RELN: variants seen among roughly 807,000 people sequenced by gnomAD.
RELN encodes the protein reelin.
In RELN, 108 loss-of-function variants were observed where a neutral mutation model predicts 427.6. The ratio of observed to expected loss-of-function variants is 0.25; its 90% CI spans 0.22 to 0.30. The LOEUF is 0.30. RELN is among the 10% of genes least tolerant of loss of function. The pLI, the probability that RELN is intolerant of heterozygous loss-of-function variation, is 1.00. For synonymous variants in RELN, 1,524 were observed against 1,513.4 expected, an observed-to-expected ratio of 1.01 and a Z score of -0.16; for missense variants, 3,715 against 4,302.8, an observed-to-expected ratio of 0.86 and a Z score of 3.82.
chr7:103,545,135 T>C lies in RELN; in HGVS notation c.6512A>G (p.Asp2171Gly), dbSNP rs754745320. Residue 2171 changes from aspartate to glycine, a missense_variant, in exon 42 of 65, where the codon GAT becomes GGT. Coordinates refer to ENST00000428762, the MANE Select transcript of RELN (RefSeq NM_005045.4). Reference sequence around the variant, plus strand: ...TAAGAAAAGACTACCTTCGAAATCATCTTTGAGAAAATCAGGATTTTTGGT... The same window carrying C: ...TAAGAAAAGACTACCTTCGAAATCACCTTTGAGAAAATCAGGATTTTTGGT... ...ISTKNPDFLK[D>G]DFEGQLESDR... 5 of 1,613,282 alleles carry C rather than the reference T, an allele frequency of 3.1e-6. No individual in the cohort carries two copies. The highest frequency in any genetic ancestry group is 1.7e-5 in the Admixed American group (1 of 60,010).
intron 28 of RELN, among the ~76,000 whole-genome samples, chr7:103,587,564 T>C (rs1831305967): frequency 6.6e-6 from 1 of 151,962 alleles, no homozygotes; most frequent in Non-Finnish European, 1.5e-5. Context: ...CACAATAAAA[T>C]AAATAACCTA....
chr7:103,503,856 A>G (rs181006752), intron 51 of RELN, among the ~76,000 whole-genome samples: 1 of 149,986 alleles, frequency 6.7e-6, no homozygotes, highest in Admixed American at 6.7e-5. Context: ...TTTGTTTTCT[A>G]TAAATTTTTT....
chr7:103,496,819 C>T (rs755407140), intron 55 of RELN, 51 bp from the exon 56 acceptor site: 4 of 1,595,940 alleles, frequency 2.5e-6, no homozygotes, highest in Non-Finnish European at 2.6e-6. Context: ...TCTCCTGCCT[C>T]CTCATAAACC....
At chr7:103,679,880 C>T (rs1039269960) in intron 11 of RELN, among the ~76,000 whole-genome samples, 6 of 152,108 alleles carry the variant, frequency 3.9e-5, no homozygotes, top group South Asian at 2.1e-4. Context: ...AATATCAAGT[C>T]AATTCCTTTC....
intron 1 of RELN, among the ~76,000 whole-genome samples, chr7:103,938,364 T>C (rs868197534): frequency 4.6e-5 from 7 of 152,208 alleles, no homozygotes; most frequent in Admixed American, 4.6e-4. Context: ...CTCCCAGACA[T>C]GTTTTTAGAA....
intron 1 of RELN, among the ~76,000 whole-genome samples, chr7:103,937,504 A>C (rs917997306): frequency 2.0e-5 from 3 of 152,228 alleles, no homozygotes; most frequent in Non-Finnish European, 2.9e-5. Context: ...TTGAGGATCT[A>C]AAGGATGATG....
At chr7:103,703,621 T>C (rs573468524) in intron 8 of RELN, among the ~76,000 whole-genome samples, 11 of 152,324 alleles carry the variant, frequency 7.2e-5, no homozygotes, top group Non-Finnish European at 1.6e-4. Flanking sequence ...GATATTTAAT[T>C]GCCAAAGTTG....
At chr7:103,847,164 C>A (rs1352213962) in intron 2 of RELN, among the ~76,000 whole-genome samples, 3 of 152,152 alleles carry the variant, frequency 2.0e-5, no homozygotes, top group African/African-American at 7.2e-5. Context: ...GCCTCGGAAC[C>A]AACCCAAATG....
chr7:103,989,173 C>T lies in RELN; in HGVS notation c.184G>A (p.Ala62Thr), dbSNP rs1238589028. The T allele has an allele frequency of 1.2e-6, 2 of 1,613,952 alleles. No individual in the cohort carries two copies. The highest frequency in any genetic ancestry group is 8.5e-7 in the Non-Finnish European group (1 of 1,179,998). ...QGEVLISLHI[A>T]GNPTYYVPGQ... ...GGAACGTAGTAGGTGGGGTTGCCCG[C>T]AATATGCAGGGAAATGAGCACCTCG... The change falls in exon 1 of 65, where the codon GCG becomes ACG. Residue 62 changes from alanine to threonine, a missense_variant. Ala to Thr is a moderately conservative substitution (Grantham distance 58). Around this residue, in one of 4 missense-constraint regions of RELN, gnomAD observed 2,208 missense variants for 2,361.7 expected, o/e 0.93. Coordinates refer to ENST00000428762, the MANE Select transcript of RELN (RefSeq NM_005045.4). This position sits in a 1 kb window ranked among gnomAD's most constrained non-coding sequence, Gnocchi z 4.9.
chr7:103,870,245 T>C (rs759060936), intron 2 of RELN, among the ~76,000 whole-genome samples: 1 of 152,144 alleles, frequency 6.6e-6, no homozygotes, highest in Non-Finnish European at 1.5e-5. Context: ...ATCTCAGGAC[T>C]GGTTTCTATT....
intron 2 of RELN, among the ~76,000 whole-genome samples, chr7:103,850,188 A>G (rs1793788011): frequency 6.6e-6 from 1 of 152,204 alleles, no homozygotes; most frequent in African/African-American, 2.4e-5. Flanking sequence ...AGACATTACA[A>G]TTTATATGAG....
At chr7:103,647,825 A>C (rs1832828185) in intron 16 of RELN, among the ~76,000 whole-genome samples, 1 of 152,150 alleles carries the variant, frequency 6.6e-6, no homozygotes, top group Non-Finnish European at 1.5e-5. Flanking sequence ...ATAGTAAACA[A>C]AACTGCATGG....
intron 10 of RELN, among the ~76,000 whole-genome samples, chr7:103,690,100 A>T (rs1833842440): frequency 6.6e-6 from 1 of 152,120 alleles, no homozygotes; most frequent in Non-Finnish European, 1.5e-5. Context: ...AAATGCTATC[A>T]ATACTTCTAC....
At chr7:103,591,717 G>A (rs143634432) in intron 27 of RELN, among the ~76,000 whole-genome samples, 56 of 152,250 alleles carry the variant, frequency 3.7e-4, no homozygotes, top group African/African-American at 1.3e-3. Context: ...GATTGCTGTT[G>A]TTTCTAACAC....
At chr7:103,566,450 G>A (rs1830753684) in intron 32 of RELN, 38 bp from the exon 33 acceptor site, 1 of 1,600,952 alleles carries the variant, frequency 6.2e-7, no homozygotes, top group South Asian at 1.1e-5. Context: ...GAGAAGTTTT[G>A]TTACATAGCA....
intron 41 of RELN, among the ~76,000 whole-genome samples, chr7:103,549,795 C>T (rs1202829079): frequency 6.6e-6 from 1 of 152,234 alleles, no homozygotes; most frequent in African/African-American, 2.4e-5. Context: ...TTTGGTAAGC[C>T]TCTTTATATT....
chr7:103,536,933 A>C (rs938254293), intron 45 of RELN, among the ~76,000 whole-genome samples: 1 of 152,166 alleles, frequency 6.6e-6, no homozygotes, highest in Non-Finnish European at 1.5e-5. Context: ...CCAGCTTTCT[A>C]TACTGTATGT....
At chr7:103,753,064 G>A (rs985770402) in intron 5 of RELN, 118 bp downstream of exon 5, 13 of 1,005,094 alleles carry the variant, frequency 1.3e-5, no homozygotes, top group Non-Finnish European at 1.9e-5. Flanking sequence ...TTCAGTGACT[G>A]ATCAATGATC....
At chr7:103,605,465 C>T (rs1393898638) in intron 22 of RELN, among the ~76,000 whole-genome samples, 1 of 152,086 alleles carries the variant, frequency 6.6e-6, no homozygotes, top group Non-Finnish European at 1.5e-5. Flanking sequence ...AATATAAAGT[C>T]CAGAGAAGTG....
Sources: gnomAD v4.1 joint callset for allele counts (sites outside exome capture counted in the v4.1 genomes callset) on GRCh38, gnomAD v4.1.1 for gene constraint, gnomAD v4.1.1 regional missense constraint, Gnocchi (gnomAD v3.1) non-coding constraint, MANE v1.5 for transcripts, NCBI Gene and HGNC (gene_info 2026-07-23, HGNC 2026-07-21) for gene names.